The following DNM3 variants were observed in gnomAD, a reference collection of about 807,000 sequenced individuals.
DNM3 encodes the protein dynamin-3.
Under a neutral mutation model 101.6 loss-of-function variants are expected in DNM3, and 47 were observed. That is an observed-to-expected ratio of 0.46 (90% CI 0.37 to 0.59). The LOEUF is 0.59. Ranked by LOEUF, DNM3 falls within the 20% of genes least tolerant of loss-of-function variation. The pLI is 0.00. For missense variants in DNM3, 849 were observed against 1,085.7 expected, an observed-to-expected ratio of 0.78 and a Z score of 3.06; for synonymous variants, 385 against 387.9, an observed-to-expected ratio of 0.99 and a Z score of 0.09.
intron 19 of DNM3, among the ~76,000 whole-genome samples, chr1:172,388,186 A>G (rs754990274): frequency 2.6e-5 from 4 of 151,866 alleles, no homozygotes; most frequent in Non-Finnish European, 5.9e-5. Context: ...GTGAGCCGAG[A>G]TCACGCCACT....
At chr1:172,336,909 A>G (rs922138267) in intron 17 of DNM3, among the ~76,000 whole-genome samples, 1 of 152,168 alleles carries the variant, frequency 6.6e-6, no homozygotes, top group African/African-American at 2.4e-5. Context: ...CTTGATGACA[A>G]TCTACCTCAC....
Position 172,224,106 on chromosome 1 carries a change from C to CAA in DNM3, c.1660-29466_1660-29465insAA, listed in dbSNP as rs1269280380. 3.9e-5 allele frequency among the ~76,000 whole-genome samples: 6 copies of CAA among 152,262 alleles called. No individual in the cohort carries two copies. The East Asian group carries it at 1.2e-3, about 29-fold the overall frequency. ...CTATGCCTACCCCAATCCTACCCAA[C>CAA]ATGCAAGACTCCTGTGGCTTTTCCT... On this transcript the variant is annotated intron_variant, in intron 14 of 20. Coordinates refer to ENST00000627582, the MANE Select transcript of DNM3 (RefSeq NM_015569.5).
intron 15 of DNM3, among the ~76,000 whole-genome samples, chr1:172,281,758 A>G (rs1166657939): frequency 6.6e-6 from 1 of 152,112 alleles, no homozygotes; most frequent in Non-Finnish European, 1.5e-5. Context: ...GTTTGGCAGT[A>G]TTATACTTGT....
Position 172,032,484 on chromosome 1 carries a change from G to C in DNM3, c.672G>C (p.Leu224=). 1 of 1,541,966 alleles carries C rather than the reference G, an allele frequency of 6.5e-7. No homozygotes were observed. The highest frequency in any genetic ancestry group is 8.8e-7 in the Non-Finnish European group (1 of 1,132,084). The part of the protein sequence containing the change: ...TDARDVLENK[L]LPLRRGYVGV... ...CCAGGGATGTTCTAGAGAACAAACTGTTGCCTCTTCGCAGGGGTAATGTAC... is the reference window on the plus strand; with the variant it reads ...CCAGGGATGTTCTAGAGAACAAACTCTTGCCTCTTCGCAGGGGTAATGTAC... Residue 224 remains leucine, a synonymous_variant, in exon 5 of 21, where the codon CTG becomes CTC. Coordinates refer to ENST00000627582, the MANE Select transcript of DNM3 (RefSeq NM_015569.5).
chr1:172,288,497 A>G (rs1001153756), intron 15 of DNM3, among the ~76,000 whole-genome samples: 1 of 152,136 alleles, frequency 6.6e-6, no homozygotes, highest in Non-Finnish European at 1.5e-5. Context: ...ACTGAAGGGG[A>G]GTAATGTGGT....
At position 172,183,286 on chromosome 1, in the gene DNM3, G is replaced by A. The variant is rs561740072; in HGVS notation, c.1659+51998G>A. On this transcript the variant is annotated intron_variant, in intron 14 of 20. Transcript: ENST00000627582. ...TGGTTTCAAACACAAATAATTTCTG[G>A]GAAAGTTCAATATATTGGTTTCACA... 1.2e-4 allele frequency among the ~76,000 whole-genome samples: 18 copies of A among 152,116 alleles called. No homozygotes were observed. The East Asian group carries it at 1.7e-3, about 15-fold the overall frequency.
At position 171,861,849 on chromosome 1, in the gene DNM3, G is replaced by C. The variant is rs148332008; in HGVS notation, c.161+20032G>C. Among the ~76,000 whole-genome samples, 492 of 152,154 alleles carry C rather than the reference G, an allele frequency of 3.2e-3. 8 individuals carry two copies. The East Asian group carries it at 0.04, about 12-fold the overall frequency. ...TTTTGCAAATTATATATGTGATAGG[G>C]AACTAGCATCCTGAATACAAAAGGA... On this transcript the variant is annotated intron_variant, in intron 1 of 20. Coordinates refer to ENST00000627582, the MANE Select transcript of DNM3 (RefSeq NM_015569.5).
intron 14 of DNM3, among the ~76,000 whole-genome samples, chr1:172,223,524 C>T (rs888341565): frequency 1.3e-5 from 2 of 152,068 alleles, no homozygotes; most frequent in African/African-American, 4.8e-5. Flanking sequence ...GTACTTTTGT[C>T]TCCATTACTC....
intron 17 of DNM3, among the ~76,000 whole-genome samples, chr1:172,327,423 A>G (rs2065980914): frequency 6.6e-6 from 1 of 152,210 alleles, no homozygotes; most frequent in Middle Eastern, 3.4e-3. Flanking sequence ...CAAGCCCTCA[A>G]CTCCTAAATT....
At chr1:172,403,654 A>G (rs554451876) in intron 20 of DNM3, among the ~76,000 whole-genome samples, 1 of 152,264 alleles carries the variant, frequency 6.6e-6, no homozygotes, top group Admixed American at 6.5e-5. Flanking sequence ...AGCTACAAAT[A>G]CAACTTCAAG....
intron 14 of DNM3, among the ~76,000 whole-genome samples, chr1:172,161,361 C>A (rs1307311612): frequency 1.3e-5 from 2 of 151,782 alleles, no homozygotes; most frequent in East Asian, 1.9e-4. Context: ...CGTTTCTCAG[C>A]CTAACTTCAG....
chr1:172,041,619 G>A lies in DNM3; in HGVS notation c.993-390G>A, dbSNP rs537734779. 2.8e-3 allele frequency among the ~76,000 whole-genome samples: 426 copies of A among 152,204 alleles called. 3 individuals are homozygous for A. Among genetic ancestry groups the A allele is most frequent in the African/African-American group, 9.7e-3 (401 of 41,540 alleles). ...AGACTGAGGCTGTGACATTGGGGGA[G>A]TAATAGAGCTGGAGCATTTGGGACA... On this transcript the variant is annotated intron_variant, in intron 7 of 20. Transcript: ENST00000627582.
intron 18 of DNM3, among the ~76,000 whole-genome samples, chr1:172,384,304 T>G (rs187653975): frequency 2.0e-5 from 3 of 152,176 alleles, no homozygotes; most frequent in African/African-American, 7.2e-5. Flanking sequence ...AGCTGTCTAT[T>G]GTTCTCCTGT....
At chr1:172,370,663 G>C (rs751164375) in intron 17 of DNM3, among the ~76,000 whole-genome samples, 38 of 151,916 alleles carry the variant, frequency 2.5e-4, no homozygotes, top group Non-Finnish European at 4.6e-4. Flanking sequence ...ATTTTAGGTA[G>C]TAGTATTACT....
chr1:171,949,923 G>T (rs2042404418), intron 2 of DNM3, among the ~76,000 whole-genome samples: 1 of 152,056 alleles, frequency 6.6e-6, no homozygotes, highest in Admixed American at 6.6e-5. Flanking sequence ...CCACTCCAAG[G>T]TACAGTATTT....
At chr1:172,063,821 AAGCTATTT>A (rs2051443597) in intron 10 of DNM3, among the ~76,000 whole-genome samples, 1 of 151,996 alleles carries the variant, frequency 6.6e-6, no homozygotes, top group South Asian at 2.1e-4. Context: ...TTTGAACTAT[AAGCTATTT>A]AGAACTAATT....
intron 15 of DNM3, among the ~76,000 whole-genome samples, chr1:172,280,435 A>T (rs1433914751): frequency 6.6e-6 from 1 of 152,230 alleles, no homozygotes; most frequent in Non-Finnish European, 1.5e-5. Flanking sequence ...ACTGCCTAGC[A>T]TATGGTAGTT....
chr1:172,112,031 A>T (rs77317583), intron 13 of DNM3, among the ~76,000 whole-genome samples: 2 of 152,188 alleles, frequency 1.3e-5, no homozygotes, highest in African/African-American at 4.8e-5. Flanking sequence ...ATATTTTAAT[A>T]ATCATAATAA....
intron 2 of DNM3, among the ~76,000 whole-genome samples, chr1:171,927,324 T>G (rs965704984): frequency 1.3e-5 from 2 of 152,202 alleles, no homozygotes; most frequent in African/African-American, 4.8e-5. Flanking sequence ...GTGGTACAGA[T>G]TATTTCATCA....
Sources: allele counts gnomAD v4.1 joint callset (sites outside exome capture counted in the v4.1 genomes callset), GRCh38; gene constraint gnomAD v4.1.1; transcripts MANE v1.5; gene names NCBI Gene and HGNC (gene_info 2026-07-23, HGNC 2026-07-21).